The following CREB1 variants were observed in gnomAD, a reference collection of about 807,000 sequenced individuals.
CREB1 encodes the protein cyclic AMP-responsive element-binding protein 1.
CREB1 carries 2 observed loss-of-function variants against 42.0 expected under a neutral mutation model. The observed-to-expected ratio is 0.05, with a 90% confidence interval of 0.02 to 0.15. The LOEUF (loss-of-function observed/expected upper bound fraction) is 0.15. CREB1 is among the 10% of genes least tolerant of loss of function. CREB1 has a pLI of 1.00. For synonymous variants in CREB1, 123 were observed against 139.9 expected (o/e 0.88, Z 0.85); for missense variants, 199 against 388.9 (o/e 0.51, Z 4.11).
intron 5 of CREB1, among the ~76,000 whole-genome samples, chr2:207,570,820 A>C (rs190224088): frequency 1.3e-5 from 2 of 152,280 alleles, no homozygotes; most frequent in East Asian, 1.9e-4. Context: ...TTCATATGAA[A>C]GATAGTAATA....
chr2:207,550,980 T>C (rs2081481117), intron 1 of CREB1, among the ~76,000 whole-genome samples: 1 of 152,218 alleles, frequency 6.6e-6, no homozygotes, highest in South Asian at 2.1e-4. Flanking sequence ...TTATTCTGAG[T>C]GGCTATTATC....
intron 7 of CREB1, among the ~76,000 whole-genome samples, chr2:207,592,712 A>C (rs940905870): frequency 6.6e-6 from 1 of 151,932 alleles, no homozygotes; most frequent in African/African-American, 2.4e-5. Flanking sequence ...CGAGGTCAGG[A>C]GATTGAGAAC....
At chr2:207,555,847 AG>A in intron 2 of CREB1, 98 bp downstream of exon 2, 1 of 693,444 alleles carries the variant, frequency 1.4e-6, no homozygotes, top group Non-Finnish European at 2.5e-6. Flanking sequence ...ACATAGAATG[AG>A]CAGAGATACT....
intron 7 of CREB1, among the ~76,000 whole-genome samples, chr2:207,588,889 C>CG (rs34628133): frequency 0.16 from 23,036 of 141,836 alleles, 1,970 homozygotes; most frequent in Middle Eastern, 0.2. Context: ...GGAGCTTTGT[C>CG]GGGGGGGGTG....
At chr2:207,545,618 G>A (rs1198576684) in intron 1 of CREB1, among the ~76,000 whole-genome samples, 5 of 152,162 alleles carry the variant, frequency 3.3e-5, no homozygotes, top group African/African-American at 7.2e-5. Flanking sequence ...TTACTACGTA[G>A]TAGGCGCAGA....
chr2:207,561,574 T>G (rs2081959467), intron 3 of CREB1, among the ~76,000 whole-genome samples: 1 of 152,196 alleles, frequency 6.6e-6, no homozygotes, highest in Non-Finnish European at 1.5e-5. Flanking sequence ...TAATTCCTGT[T>G]CTATTGGACT....
intron 7 of CREB1, chr2:207,577,984 C>G (rs2082660720): frequency 6.5e-6 from 2 of 309,904 alleles, no homozygotes; most frequent in South Asian, 6.0e-5. Context: ...TAGTATTGTT[C>G]AAGAAGATCA....
At chr2:207,596,815 G>C in intron 7 of CREB1, 99 bp from the exon 8 acceptor site, 1 of 1,340,292 alleles carries the variant, frequency 7.5e-7, no homozygotes, top group Non-Finnish European at 1.0e-6. Flanking sequence ...AATGTTGGTT[G>C]CTGTGAGCTA....
chr2:207,548,370 T>C (rs2081375369), intron 1 of CREB1, among the ~76,000 whole-genome samples: 1 of 152,178 alleles, frequency 6.6e-6, no homozygotes, highest in Admixed American at 6.5e-5. Flanking sequence ...ACTGCAATGA[T>C]AAAATACAAA....
chr2:207,547,662 C>G (rs1169931248), intron 1 of CREB1, among the ~76,000 whole-genome samples: 1 of 151,498 alleles, frequency 6.6e-6, no homozygotes, highest in Non-Finnish European at 1.5e-5. Flanking sequence ...AAAATATTAT[C>G]TAAAATATTG....
At chr2:207,559,663 T>C (rs1296620702) in intron 2 of CREB1, among the ~76,000 whole-genome samples, 2 of 152,220 alleles carry the variant, frequency 1.3e-5, no homozygotes, top group African/African-American at 4.8e-5. Context: ...AAAACTGCCT[T>C]AGTTCTAGAC....
At chr2:207,560,748 T>C (rs2081927103) in intron 3 of CREB1, among the ~76,000 whole-genome samples, 1 of 152,202 alleles carries the variant, frequency 6.6e-6, no homozygotes, top group South Asian at 2.1e-4. Context: ...ATACCCTTGA[T>C]CAAAAATTAA....
In CREB1 at chr2:207,597,075, T is replaced by A; in HGVS notation, c.*17T>A. 6.3e-7 allele frequency: 1 copy of A among 1,585,764 alleles called. No homozygotes were observed. Among genetic ancestry groups the A allele is most frequent in the South Asian group, 1.2e-5 (1 of 86,040 alleles). On this transcript the variant is annotated 3_prime_UTR_variant, in exon 8 of 8. Coordinates refer to ENST00000353267, the MANE Select transcript of CREB1 (RefSeq NM_004379.5). The stretch of plus-strand genomic sequence containing the variant: ...TCAGATTAATTTGGGATTTAAATTT[T>A]CACCTGTTAAGGTGGAAAATGGACT...
At chr2:207,551,453 G>C (rs1378178454) in intron 1 of CREB1, among the ~76,000 whole-genome samples, 1 of 152,118 alleles carries the variant, frequency 6.6e-6, no homozygotes, top group Non-Finnish European at 1.5e-5. Context: ...CAACATAATA[G>C]ATAAAAGACA....
chr2:207,539,073 C>G (rs577847138), intron 1 of CREB1, among the ~76,000 whole-genome samples: 267 of 148,656 alleles, frequency 1.8e-3, no homozygotes, highest in African/African-American at 6.3e-3. Context: ...AGGAATCTCG[C>G]TCTGTCTCCC....
intron 4 of CREB1, among the ~76,000 whole-genome samples, chr2:207,568,521 C>G (rs1297248113): frequency 9.2e-6 from 1 of 108,510 alleles, no homozygotes; most frequent in African/African-American, 3.2e-5. Context: ...AATATAAAAG[C>G]CAGGATTATT....
At chr2:207,566,420 G>A (rs556632994) in intron 3 of CREB1, among the ~76,000 whole-genome samples, 2 of 152,122 alleles carry the variant, frequency 1.3e-5, no homozygotes, top group South Asian at 4.1e-4. Context: ...AGAGCATAAC[G>A]TTTCTGCTGA....
chr2:207,588,737 T>TGTG (rs199576312), intron 7 of CREB1, among the ~76,000 whole-genome samples: 1 of 148,408 alleles, frequency 6.7e-6, no homozygotes, highest in African/African-American at 2.5e-5. Flanking sequence ...GGTTTTTTTT[T>TGTG]TTTTTGTGTG....
chr2:207,582,302 A>G, intron 7 of CREB1: 1 of 621,454 alleles, frequency 1.6e-6, no homozygotes, highest in South Asian at 1.9e-5. Flanking sequence ...TTTAGAATTC[A>G]TCAGTAAATC....
Sources: allele counts gnomAD v4.1 joint callset (sites outside exome capture counted in the v4.1 genomes callset), GRCh38; gene constraint gnomAD v4.1.1; transcripts MANE v1.5; gene names NCBI Gene and HGNC (gene_info 2026-07-23, HGNC 2026-07-21).